The following PIP5K1B variants were observed in gnomAD, a reference collection of about 807,000 sequenced individuals.
PIP5K1B encodes the protein phosphatidylinositol 4-phosphate 5-kinase type-1 beta.
Under a neutral mutation model 67.0 loss-of-function variants are expected in PIP5K1B, and 42 were observed. That is an observed-to-expected ratio of 0.63 (90% CI 0.49 to 0.81). The LOEUF (loss-of-function observed/expected upper bound fraction) is 0.81. Among genes scored for constraint, PIP5K1B ranks in the 30% least tolerant of loss-of-function variants. The probability of loss-of-function intolerance (pLI) is 0.00; values close to 1 mark genes in which losing one functional copy is unlikely to be tolerated. For synonymous variants in PIP5K1B, 214 were observed against 231.4 expected (o/e 0.92, Z 0.68); for missense variants, 459 against 646.3 (o/e 0.71, Z 3.14).
intron 1 of PIP5K1B, among the ~76,000 whole-genome samples, chr9:68,720,999 G>A (rs566946284): frequency 2.5e-4 from 38 of 152,312 alleles, no homozygotes; most frequent in Non-Finnish European, 3.8e-4. Flanking sequence ...GGCATAACAC[G>A]TATGAAGCAT....
Position 68,975,237 on chromosome 9 carries a change from G to A in PIP5K1B, c.1503-15903G>A, listed in dbSNP as rs117790518. Among the ~76,000 whole-genome samples, 70 of 152,136 alleles carry A rather than the reference G, an allele frequency of 4.6e-4. 1 individual carries two copies. The East Asian group carries it at 6.2e-3, about 13-fold the overall frequency. ...GTGTGTGCCAGCATGCCCAGCTAAT[G>A]TTTATATTTTTTGTAGAGACAGGGT... On this transcript the variant is annotated intron_variant, in intron 14 of 15. Coordinates refer to ENST00000265382, the MANE Select transcript of PIP5K1B (RefSeq NM_003558.4).
chr9:68,985,736 C>G (rs1342531437), intron 14 of PIP5K1B, among the ~76,000 whole-genome samples: 1 of 152,218 alleles, frequency 6.6e-6, no homozygotes. Flanking sequence ...CTCACAGTCT[C>G]TTCACCAGAG....
In PIP5K1B at chr9:68,789,830, G is replaced by A. The variant is rs147060297; in HGVS notation, c.-85-28631G>A. On this transcript the variant is annotated intron_variant, in intron 2 of 15. Coordinates refer to ENST00000265382, the MANE Select transcript of PIP5K1B (RefSeq NM_003558.4). The stretch of plus-strand genomic sequence containing the variant: ...CCTTGAATACCCGGCCTCACTCCTC[G>A]GAGCACCTGATGCTTGCTCCACCTT... Among the ~76,000 whole-genome samples the A allele has an allele frequency of 5.3e-3, 799 of 152,166 alleles. 2 individuals are homozygous for A. The highest frequency in any genetic ancestry group is 0.01 in the Middle Eastern group (3 of 294).
At chr9:68,777,402 G>T (rs1466674094) in intron 2 of PIP5K1B, among the ~76,000 whole-genome samples, 1 of 152,224 alleles carries the variant, frequency 6.6e-6, no homozygotes, top group African/African-American at 2.4e-5. Context: ...TATATGTCAT[G>T]TGGTACTCCG....
chr9:68,850,796 TAAC>T (rs1044558090), intron 4 of PIP5K1B, among the ~76,000 whole-genome samples: 5 of 152,230 alleles, frequency 3.3e-5, no homozygotes, highest in African/African-American at 7.2e-5. Flanking sequence ...ATCAAATAAA[TAAC>T]AATTTTTATT....
Position 68,925,795 on chromosome 9 carries a change from A to ATTTT in PIP5K1B, c.1201+2426_1201+2429dup, listed in dbSNP as rs71353094. On this transcript the variant is annotated intron_variant, in intron 12 of 15. Transcript: ENST00000265382. ...ACATGAATACCAGCTTGTGGTTCCA[A>ATTTT]TTTTTTTTTTTTTTTTTTTTGAGAC... 7.2e-4 allele frequency among the ~76,000 whole-genome samples: 53 copies of ATTTT among 73,272 alleles called. 8 individuals are homozygous for ATTTT. Among genetic ancestry groups the ATTTT allele is most frequent in the African/African-American group, 1.9e-3 (34 of 17,548 alleles). 48.1% of individuals were successfully genotyped at this position (73,272 alleles called of 152,430 possible).
intron 1 of PIP5K1B, among the ~76,000 whole-genome samples, chr9:68,725,361 T>A (rs889381844): frequency 7.2e-5 from 11 of 152,188 alleles, no homozygotes; most frequent in African/African-American, 2.2e-4. Flanking sequence ...ATCTATGGAA[T>A]GAAAATCTAG....
In PIP5K1B at chr9:68,705,510, G is replaced by T. The variant is rs1827076307; in HGVS notation, c.-495G>T. 1 of 151,126 alleles carries T rather than the reference G, an allele frequency of 6.6e-6. No individual in the cohort carries two copies. 9.4% of individuals were successfully genotyped at this position (151,126 alleles called of 1,614,324 possible). On this transcript the variant is annotated 5_prime_UTR_variant, in exon 1 of 16. Transcript: ENST00000265382. ...GCGCGCACTGCACACTCGTAGCCGC[G>T]CGCCCCCGCCAAGGCGCGTCCGGAG...
At chr9:68,889,679 G>T (rs1824668498) in intron 7 of PIP5K1B, among the ~76,000 whole-genome samples, 1 of 142,894 alleles carries the variant, frequency 7.0e-6, no homozygotes, top group Non-Finnish European at 1.5e-5. Context: ...AGCTTGCAGT[G>T]AATCGAGATC....
chr9:68,977,206 A>G (rs1829669962), intron 14 of PIP5K1B, among the ~76,000 whole-genome samples: 1 of 152,236 alleles, frequency 6.6e-6, no homozygotes, highest in Non-Finnish European at 1.5e-5. Flanking sequence ...GAAGCCATCC[A>G]GTATTGTGAA....
At chr9:68,810,731 T>C (rs148723394) in intron 2 of PIP5K1B, among the ~76,000 whole-genome samples, 1 of 152,306 alleles carries the variant, frequency 6.6e-6, no homozygotes, top group East Asian at 1.9e-4. Context: ...TCGGTAACTA[T>C]AGAGTTTTAA....
intron 4 of PIP5K1B, among the ~76,000 whole-genome samples, chr9:68,827,390 T>C (rs1229679208): frequency 6.6e-6 from 1 of 152,252 alleles, no homozygotes; most frequent in Non-Finnish European, 1.5e-5. Context: ...TATGTGTGGC[T>C]ATAGGGCATT....
At chr9:68,805,900 A>G (rs1302364154) in intron 2 of PIP5K1B, among the ~76,000 whole-genome samples, 1 of 152,212 alleles carries the variant, frequency 6.6e-6, no homozygotes. Flanking sequence ...GCTAGGGAGT[A>G]TGGCTAGACA....
intron 2 of PIP5K1B, among the ~76,000 whole-genome samples, chr9:68,755,821 C>T (rs562284228): frequency 1.3e-5 from 2 of 152,336 alleles, no homozygotes; most frequent in South Asian, 4.1e-4. Flanking sequence ...GCAGGATGAA[C>T]TCAGCATGGT....
At chr9:68,916,490 G>A (rs1031834347) in intron 8 of PIP5K1B, among the ~76,000 whole-genome samples, 11 of 152,144 alleles carry the variant, frequency 7.2e-5, no homozygotes, top group African/African-American at 2.7e-4. Context: ...ACTGTCTGCT[G>A]AGTGGATAAT....
At chr9:68,773,619 C>A (rs971003759) in intron 2 of PIP5K1B, among the ~76,000 whole-genome samples, 8 of 152,212 alleles carry the variant, frequency 5.3e-5, no homozygotes, top group African/African-American at 1.7e-4. Flanking sequence ...TTTGAGGCCC[C>A]TTTCTATCTG....
chr9:68,986,727 A>C (rs886615090), intron 14 of PIP5K1B, among the ~76,000 whole-genome samples: 2 of 152,170 alleles, frequency 1.3e-5, no homozygotes, highest in African/African-American at 4.8e-5. Context: ...ATACCTGTCA[A>C]GTCTCAAATA....
In PIP5K1B at chr9:68,933,885, C is replaced by A. The variant is rs1827128168; in HGVS notation, c.1202-1005C>A. Among the ~76,000 whole-genome samples, 16 of 152,306 alleles carry A rather than the reference C, an allele frequency of 1.1e-4. No individual in the cohort carries two copies. The South Asian group carries it at 3.3e-3, about 32-fold the overall frequency. On this transcript the variant is annotated intron_variant, in intron 12 of 15. Coordinates refer to ENST00000265382, the MANE Select transcript of PIP5K1B (RefSeq NM_003558.4). ...CTCCAATTAAGTTCTTGCAAGCAGC[C>A]TCTGGGAAGGCCCCAGATGAGCTGT...
chr9:68,999,766 T>C (rs1035193150), intron 15 of PIP5K1B, among the ~76,000 whole-genome samples: 3 of 152,244 alleles, frequency 2.0e-5, no homozygotes, highest in African/African-American at 7.2e-5. Flanking sequence ...CTCAAGTTTA[T>C]GATCTGGGCT....
Sources: gnomAD v4.1 joint callset for allele counts (sites outside exome capture counted in the v4.1 genomes callset) on GRCh38, gnomAD v4.1.1 for gene constraint, MANE v1.5 for transcripts, NCBI Gene and HGNC (gene_info 2026-07-23, HGNC 2026-07-21) for gene names.